GRB2: variants seen among roughly 807,000 people sequenced by gnomAD.
GRB2 encodes the protein growth factor receptor bound protein 2, also known as growth factor receptor-bound protein 2.
Under a neutral mutation model 27.4 loss-of-function variants are expected in GRB2, and 2 were observed. That is an observed-to-expected ratio of 0.07 (90% CI 0.03 to 0.23). The LOEUF is 0.23. Ranked by LOEUF, GRB2 falls within the 10% of genes least tolerant of loss-of-function variation. The pLI is 1.00. For missense variants in GRB2, 102 were observed against 282.4 expected (o/e 0.36, Z 4.58); for synonymous variants, 94 against 99.6 (o/e 0.94, Z 0.33).
At chr17:75,333,123 T>C (rs969600678) in intron 2 of GRB2, among the ~76,000 whole-genome samples, 1 of 152,046 alleles carries the variant, frequency 6.6e-6, no homozygotes, top group South Asian at 2.1e-4. Flanking sequence ...TCGCCCAGGC[T>C]GAAGTGCAGT....
At chr17:75,330,031 T>C (rs951773523) in intron 3 of GRB2, among the ~76,000 whole-genome samples, 1 of 152,182 alleles carries the variant, frequency 6.6e-6, no homozygotes. Context: ...TGGAGTGCAG[T>C]GGCGTGATCT....
chr17:75,323,888 C>T (rs1337479829), intron 4 of GRB2, among the ~76,000 whole-genome samples: 1 of 151,936 alleles, frequency 6.6e-6, no homozygotes, highest in Non-Finnish European at 1.5e-5. Context: ...CGGCTCACTG[C>T]AACCTCTGCC....
intron 2 of GRB2, among the ~76,000 whole-genome samples, chr17:75,333,903 CACAGAGCTA>C (rs1237492548): frequency 1.3e-5 from 2 of 152,148 alleles, no homozygotes; most frequent in East Asian, 3.9e-4. Context: ...GTAGTGACCC[CACAGAGCTA>C]ACATCATGCC....
intron 2 of GRB2, among the ~76,000 whole-genome samples, chr17:75,356,892 C>T (rs189112741): frequency 1.1e-3 from 164 of 152,346 alleles, no homozygotes; most frequent in African/African-American, 3.8e-3. Context: ...TCTTATCTCA[C>T]TAACTTTTAA....
intron 2 of GRB2, among the ~76,000 whole-genome samples, chr17:75,358,899 T>TA (rs1182151184): frequency 0.47 from 35,787 of 76,726 alleles, 9,412 homozygotes; most frequent in East Asian, 0.78. Flanking sequence ...AAAAAAAAAA[T>TA]TATATATATA....
chr17:75,385,029 C>CAAAAAAAAAAAA (rs58860615), intron 2 of GRB2, among the ~76,000 whole-genome samples: 2 of 55,316 alleles, frequency 3.6e-5, no homozygotes, highest in African/African-American at 9.4e-5. Flanking sequence ...CTGGCTCTAC[C>CAAAAAAAAAAAA]AAAAAAAAAA....
chr17:75,373,418 T>C (rs1489131752), intron 2 of GRB2: 1 of 152,242 alleles, frequency 6.6e-6, no homozygotes, highest in Non-Finnish European at 1.5e-5. Context: ...TCTACTTTTA[T>C]AACTCTGCCA....
intron 2 of GRB2, among the ~76,000 whole-genome samples, chr17:75,338,599 T>C (rs1164766713): frequency 6.6e-6 from 1 of 152,188 alleles, no homozygotes; most frequent in Non-Finnish European, 1.5e-5. Flanking sequence ...CACGACACTT[T>C]GGTTTAACGG....
At chr17:75,359,127 A>G (rs1356945620) in intron 2 of GRB2, among the ~76,000 whole-genome samples, 3 of 145,654 alleles carry the variant, frequency 2.1e-5, no homozygotes, top group African/African-American at 7.6e-5. Flanking sequence ...AGGCAGGAGA[A>G]TCCCTTAAAC....
chr17:75,399,731 G>A (rs923349578), intron 1 of GRB2, among the ~76,000 whole-genome samples: 3 of 149,972 alleles, frequency 2.0e-5, no homozygotes, highest in Admixed American at 6.7e-5. Context: ...GTGTAGTGAC[G>A]CAATCTTGGC....
rs191642853 is a variant in GRB2, at chr17:75,320,938, T to C, written c.469-385A>G. Among the ~76,000 whole-genome samples the C allele has an allele frequency of 5.9e-5, 9 of 152,050 alleles. No homozygotes were observed. Among genetic ancestry groups the C allele is most frequent in the African/African-American group, 2.2e-4 (9 of 41,364 alleles). ...ACCCTTAAGGTATTAAAGCCTAAAG[T>C]TCTGGAGCTCGAATAACATAAGGGG... is the stretch of plus-strand genomic sequence containing the variant. On this transcript the variant is annotated intron_variant, in intron 5 of 5. Transcript: ENST00000316804. This position sits in a 1 kb window ranked among gnomAD's most constrained non-coding sequence, Gnocchi z 4.3.
intron 1 of GRB2, among the ~76,000 whole-genome samples, chr17:75,400,179 T>G (rs1172307756): frequency 6.6e-6 from 1 of 151,956 alleles, no homozygotes; most frequent in Non-Finnish European, 1.5e-5. Context: ...TGTAAATACA[T>G]ACTCCTTTTT....
intron 1 of GRB2, among the ~76,000 whole-genome samples, chr17:75,395,225 T>G (rs2145874169): frequency 1.3e-5 from 2 of 152,094 alleles, no homozygotes; most frequent in South Asian, 4.1e-4. Flanking sequence ...AGAAAATAAA[T>G]CGTCTGACAA....
chr17:75,394,293 T>C (rs2079017195), intron 1 of GRB2: 1 of 152,352 alleles, frequency 6.6e-6, no homozygotes. Context: ...GCTGCTGCAC[T>C]CTTCTCGAAA....
chr17:75,382,731 C>T (rs985774440), intron 2 of GRB2, among the ~76,000 whole-genome samples: 3 of 126,574 alleles, frequency 2.4e-5, no homozygotes, highest in Non-Finnish European at 5.5e-5. Flanking sequence ...TTATTTTAGA[C>T]GGAGTCTTGT....
chr17:75,334,130 C>T (rs1015928340), intron 2 of GRB2, among the ~76,000 whole-genome samples: 6 of 152,136 alleles, frequency 3.9e-5, no homozygotes, highest in Non-Finnish European at 7.4e-5. Flanking sequence ...CTTTTTCCTA[C>T]ACTATACACA....
chr17:75,348,694 A>G (rs2078669693), intron 2 of GRB2, among the ~76,000 whole-genome samples: 1 of 152,182 alleles, frequency 6.6e-6, no homozygotes, highest in South Asian at 2.1e-4. Context: ...TCAGTTTTAG[A>G]GACAGGGTCT....
chr17:75,397,167 A>T (rs1478193586), intron 1 of GRB2, among the ~76,000 whole-genome samples: 1 of 152,230 alleles, frequency 6.6e-6, no homozygotes, highest in East Asian at 1.9e-4. Flanking sequence ...AGAAAACTCA[A>T]AGAGGAAAGC....
At chr17:75,372,054 T>C (rs1398831918) in intron 2 of GRB2, 1 of 152,298 alleles carries the variant, frequency 6.6e-6, no homozygotes, top group South Asian at 2.1e-4. Flanking sequence ...TTCAAAGAAA[T>C]GCTGCCTCTG....
Sources: allele counts gnomAD v4.1 joint callset (sites outside exome capture counted in the v4.1 genomes callset), GRCh38; gene constraint gnomAD v4.1.1; non-coding constraint Gnocchi (gnomAD v3.1); transcripts MANE v1.5; gene names NCBI Gene and HGNC (gene_info 2026-07-23, HGNC 2026-07-21).